Variants in AGBL3 observed in about 807,000 individuals in gnomAD.
AGBL3 encodes the protein AGBL carboxypeptidase 3, also known as cytosolic carboxypeptidase 3.
In AGBL3, 68 loss-of-function variants were observed where a neutral mutation model predicts 94.5. The ratio of observed to expected loss-of-function variants is 0.72; its 90% CI spans 0.59 to 0.88. The LOEUF (loss-of-function observed/expected upper bound fraction) is 0.88, where lower values mean the gene tolerates loss of function less well. Ranked by LOEUF, AGBL3 falls within the 40% of genes least tolerant of loss-of-function variation. The pLI, the probability that AGBL3 is intolerant of heterozygous loss-of-function variation, is 0.00. For missense variants in AGBL3, 934 were observed against 1,103.8 expected (o/e 0.85, Z 2.18); for synonymous variants, 354 against 370.7 (o/e 0.95, Z 0.52).
chr7:135,117,446 T>C (rs1826484692), intron 16 of AGBL3, among the ~76,000 whole-genome samples: 1 of 151,840 alleles, frequency 6.6e-6, no homozygotes, highest in Non-Finnish European at 1.5e-5. Context: ...GCACATTAAC[T>C]AGTTTCTCCT....
chr7:135,096,775 GAAAGAAAGAAAGAA>G (rs1350362783), intron 15 of AGBL3, among the ~76,000 whole-genome samples: 1 of 148,540 alleles, frequency 6.7e-6, no homozygotes, highest in East Asian at 2.0e-4. Flanking sequence ...AAGAAAGAAA[GAAAGAAAGAAAGAA>G]AGAAAAAGGG....
At chr7:135,084,805 G>A (rs1012007051) in intron 15 of AGBL3, among the ~76,000 whole-genome samples, 23 of 152,056 alleles carry the variant, frequency 1.5e-4, no homozygotes, top group Admixed American at 1.3e-3. Flanking sequence ...CAATGACCAT[G>A]AGAGTGCAGA....
At chr7:135,110,818 G>A (rs1563276726) in intron 15 of AGBL3, among the ~76,000 whole-genome samples, 2 of 152,100 alleles carry the variant, frequency 1.3e-5, no homozygotes, top group South Asian at 2.1e-4. Flanking sequence ...CTTAAAACTC[G>A]TTTTGCCTCC....
At chr7:135,015,273 C>T (rs1473904282) in intron 4 of AGBL3, among the ~76,000 whole-genome samples, 1 of 152,062 alleles carries the variant, frequency 6.6e-6, no homozygotes. Context: ...TTTGCAATGA[C>T]GATATTGCCA....
intron 14 of AGBL3, among the ~76,000 whole-genome samples, chr7:135,081,354 G>A (rs939338502): frequency 6.6e-6 from 1 of 151,900 alleles, no homozygotes; most frequent in Admixed American, 6.6e-5. Flanking sequence ...CTCTTTATAT[G>A]TAAATAAATG....
chr7:135,038,727 C>T (rs780908506), intron 8 of AGBL3, among the ~76,000 whole-genome samples: 2 of 152,052 alleles, frequency 1.3e-5, no homozygotes, highest in Non-Finnish European at 2.9e-5. Context: ...TTTGGGAGCC[C>T]GAGGCGGGTG....
chr7:135,051,073 T>C, intron 11 of AGBL3: 1 of 431,528 alleles, frequency 2.3e-6, no homozygotes, highest in Non-Finnish European at 4.6e-6. Flanking sequence ...TAAAAGGTAA[T>C]GAATAATAAC....
At chr7:135,132,015 A>G (rs1320246451) in intron 16 of AGBL3, among the ~76,000 whole-genome samples, 1 of 152,158 alleles carries the variant, frequency 6.6e-6, no homozygotes, top group Non-Finnish European at 1.5e-5. Context: ...GTAACTAATA[A>G]GGAAATTGAT....
In AGBL3 at chr7:135,021,567, C is replaced by T. The variant is rs1389803601; in HGVS notation, c.418+4408C>T. Among the ~76,000 whole-genome samples, 8 of 152,138 alleles carry T rather than the reference C, an allele frequency of 5.3e-5. No homozygotes were observed. The East Asian group carries it at 1.5e-3, about 29-fold the overall frequency. On this transcript the variant is annotated intron_variant, in intron 5 of 16. Transcript: ENST00000436302. Reference sequence around the variant, plus strand: ...TCAGCCTCCCAAAGTGCTGGGATTACAGGCGTGAGCCACCACGCCCGGCCC... The same window carrying T: ...TCAGCCTCCCAAAGTGCTGGGATTATAGGCGTGAGCCACCACGCCCGGCCC...
intron 12 of AGBL3, 83 bp downstream of exon 12, chr7:135,059,318 T>C (rs888391969): frequency 1.4e-5 from 11 of 801,032 alleles, no homozygotes; most frequent in Non-Finnish European, 1.9e-5. Context: ...GCAAAAAAAA[T>C]TGCAGATATG....
chr7:135,127,416 G>C (rs1170580850), intron 16 of AGBL3, among the ~76,000 whole-genome samples: 1 of 152,150 alleles, frequency 6.6e-6, no homozygotes, highest in African/African-American at 2.4e-5. Flanking sequence ...GCCGGGGTGT[G>C]GTGGCGCACG....
intron 15 of AGBL3, among the ~76,000 whole-genome samples, chr7:135,111,556 C>G (rs1289366839): frequency 6.6e-6 from 1 of 151,746 alleles, no homozygotes; most frequent in Non-Finnish European, 1.5e-5. Flanking sequence ...AAGACTTATC[C>G]TAATGTTGTA....
chr7:135,039,594 G>T (rs1040980542), intron 8 of AGBL3, among the ~76,000 whole-genome samples: 1 of 151,992 alleles, frequency 6.6e-6, no homozygotes, highest in Non-Finnish European at 1.5e-5. Flanking sequence ...AATTAGCCAA[G>T]CATGGCAGTG....
intron 15 of AGBL3, among the ~76,000 whole-genome samples, chr7:135,102,747 C>T (rs1363562715): frequency 1.3e-5 from 2 of 151,312 alleles, no homozygotes; most frequent in Non-Finnish European, 2.9e-5. Context: ...TAACCCTTGT[C>T]TTACACCATA....
Position 135,115,621 on chromosome 7 carries a change from T to C in AGBL3, c.2342+10T>C. On this transcript the variant is annotated intron_variant, in intron 16 of 16. Coordinates refer to ENST00000436302, the MANE Select transcript of AGBL3 (RefSeq NM_178563.4). ...TCCAAATCCAACATCAGTAAGTCAA[T>C]ACAATTTTATCACTCTTATCTATTT... 2 of 1,517,758 alleles carry C rather than the reference T, an allele frequency of 1.3e-6. No individual in the cohort carries two copies. Among genetic ancestry groups the C allele is most frequent in the Middle Eastern group, 1.7e-4 (1 of 5,914 alleles). The allele number at this position is 1,517,758 out of a possible 1,614,324, so 94.0% of individuals were successfully genotyped here.
At chr7:135,054,508 A>G (rs942292417) in intron 11 of AGBL3, among the ~76,000 whole-genome samples, 7 of 152,216 alleles carry the variant, frequency 4.6e-5, no homozygotes, top group African/African-American at 1.7e-4. Context: ...CCACTAGGAC[A>G]AACAATATTT....
chr7:135,043,541 T>A (rs1262693673), intron 8 of AGBL3, among the ~76,000 whole-genome samples: 1 of 152,114 alleles, frequency 6.6e-6, no homozygotes, highest in African/African-American at 2.4e-5. Flanking sequence ...GTGACTATAG[T>A]CAATAATAAT....
intron 4 of AGBL3, chr7:135,010,004 G>T (rs1308133325): frequency 7.0e-6 from 3 of 425,734 alleles, no homozygotes; most frequent in South Asian, 1.6e-5. Flanking sequence ...ATTTTTTGTT[G>T]TAAGGGTGAG....
At chr7:135,071,441 C>G (rs942421783) in intron 12 of AGBL3, among the ~76,000 whole-genome samples, 1 of 152,090 alleles carries the variant, frequency 6.6e-6, no homozygotes, top group African/African-American at 2.4e-5. Context: ...CAAAAAAGAG[C>G]CCGCATTGCC....
Sources: gnomAD v4.1 joint callset for allele counts (sites outside exome capture counted in the v4.1 genomes callset) on GRCh38, gnomAD v4.1.1 for gene constraint, MANE v1.5 for transcripts, NCBI Gene and HGNC (gene_info 2026-07-23, HGNC 2026-07-21) for gene names.